TDRKH: variants seen among roughly 807,000 people sequenced by gnomAD.
TDRKH encodes tudor and KH domain containing.
A neutral mutation model predicts 61.3 loss-of-function variants in TDRKH; 28 were observed. The observed-to-expected ratio is 0.46, with a 90% CI of 0.34 to 0.63. The LOEUF is 0.63. Among genes scored for constraint, TDRKH ranks in the 20% least tolerant of loss-of-function variants. TDRKH has a pLI of 0.01. For synonymous variants in TDRKH, 219 were observed against 244.4 expected, an observed-to-expected ratio of 0.90 and a Z score of 0.97; for missense variants, 540 against 683.4, an observed-to-expected ratio of 0.79 and a Z score of 2.34.
At chr1:151,766,885 A>C, downstream of TDRKH, 1 of 1,606,964 alleles carries the variant, frequency 6.2e-7, no homozygotes, top group East Asian at 2.2e-5. Flanking sequence ...CGTTGTTATA[A>C]AAGGTACTTG....
chr1:151,775,200 C>T (rs769313684), intron 10 of TDRKH, 34 bp from the exon 11 acceptor site: 1 of 1,611,414 alleles, frequency 6.2e-7, no homozygotes, highest in Non-Finnish European at 8.5e-7. Context: ...ATGATGTTCT[C>T]TCAGTAAGCA....
chr1:151,779,396 T>C (rs1245681949), intron 4 of TDRKH, among the ~76,000 whole-genome samples, 154 bp from the exon 5 acceptor site: 2 of 152,232 alleles, frequency 1.3e-5, no homozygotes, highest in African/African-American at 4.8e-5. Context: ...CAGGAGCTAC[T>C]GAAATCATTA....
downstream of TDRKH, chr1:151,767,004 C>T (rs1286728049): frequency 2.9e-6 from 4 of 1,366,984 alleles, no homozygotes; most frequent in East Asian, 9.3e-5. Context: ...GGGTGGAAAG[C>T]TGGCATGGAA....
chr1:151,767,576 T>C, downstream of TDRKH: 1 of 460,408 alleles, frequency 2.2e-6, no homozygotes, highest in Non-Finnish European at 3.5e-6. Flanking sequence ...AAGCTGTTTA[T>C]GCCAAGATCC....
downstream of TDRKH, chr1:151,768,229 G>C (rs765418917): frequency 5.6e-6 from 9 of 1,610,392 alleles, no homozygotes; most frequent in South Asian, 9.9e-5. Context: ...AGGCAACCGG[G>C]AAAGGTGACT....
chr1:151,766,876 G>C (rs369647761), downstream of TDRKH: 1 of 1,610,608 alleles, frequency 6.2e-7, no homozygotes, highest in South Asian at 1.1e-5. Flanking sequence ...ATGCTGCCTC[G>C]TTGTTATAAA....
chr1:151,766,949 A>G (rs944764079), downstream of TDRKH: 7 of 1,462,460 alleles, frequency 4.8e-6, no homozygotes, highest in Non-Finnish European at 6.6e-6. Flanking sequence ...AAGTAAAAGA[A>G]TTTGAAAGAA....
chr1:151,781,344 T>TATATATATATATATATA (rs61409858), intron 3 of TDRKH, 137 bp downstream of exon 3: 26 of 182,706 alleles, frequency 1.4e-4, no homozygotes, highest in South Asian at 1.9e-4. Context: ...TATATATATA[T>TATATATATATATATATA]TTTATATATA....
At chr1:151,766,495 T>C (rs189856723), downstream of TDRKH, 469 of 539,078 alleles carry the variant, frequency 8.7e-4, 8 homozygotes, top group East Asian at 8.5e-3. Context: ...CTTCAAGTTC[T>C]ATTTTTTAAT....
At chr1:151,766,938 A>C (rs1179348972), downstream of TDRKH, 1 of 1,499,018 alleles carries the variant, frequency 6.7e-7, no homozygotes, top group Non-Finnish European at 9.1e-7. Flanking sequence ...ATGTAAGGAA[A>C]AAGTAAAAGA....
intron 5 of TDRKH, 28 bp from the exon 6 acceptor site, chr1:151,779,034 T>C: frequency 6.2e-7 from 1 of 1,612,426 alleles, no homozygotes; most frequent in South Asian, 1.1e-5. Context: ...AAGGATGATA[T>C]TCTGACCTGG....
At position 151,774,353 on chromosome 1, in the gene TDRKH, T is replaced by G. The variant is rs1284123980; in HGVS notation, c.*99A>C. 3 of 1,232,608 alleles carry G rather than the reference T, an allele frequency of 2.4e-6. No homozygotes were observed. The highest frequency in any genetic ancestry group is 1.2e-6 in the Non-Finnish European group (1 of 867,036). The allele number at this position is 1,232,608 out of a possible 1,614,324, so 76.4% of individuals were successfully genotyped here. ...ATGGGAAAGAGGGAATCAAAGCAAGTGCCCCACTGTCGCCCTCATTACTTT... is the reference window on the plus strand; with the variant it reads ...ATGGGAAAGAGGGAATCAAAGCAAGGGCCCCACTGTCGCCCTCATTACTTT... On this transcript the variant is annotated 3_prime_UTR_variant, in exon 13 of 13. Coordinates refer to ENST00000368824, the MANE Select transcript of TDRKH (RefSeq NM_001083965.2).
chr1:151,771,692 T>C (rs3790514), downstream of TDRKH: 56,722 of 379,614 alleles, frequency 0.15, 4,454 homozygotes, highest in African/African-American at 0.2. Flanking sequence ...ATAGGTAACA[T>C]AGAAGAGGGC....
chr1:151,780,038 T>G lies in TDRKH; in HGVS notation c.334A>C (p.Lys112Gln). The G allele has an allele frequency of 6.2e-7, 1 of 1,614,236 alleles. No individual in the cohort carries two copies. The highest frequency in any genetic ancestry group is 1.3e-5 in the African/African-American group (1 of 75,058). Reference sequence around the variant, plus strand: ...GTCAGGATCTGATGGATTGCTGCTTTGGCCTTGCACACCTGAACAGGAAAA... The same window carrying G: ...GTCAGGATCTGATGGATTGCTGCTTGGGCCTTGCACACCTGAACAGGAAAA... ...SGFPVQVCKAKAAIHQILTEN... is the reference protein window; with the variant it reads ...SGFPVQVCKAQAAIHQILTEN... Residue 112 changes from lysine (K) to glutamine (Q), a missense_variant, in exon 4 of 13, where the codon AAA (lysine) becomes CAA (glutamine). Transcript: ENST00000368824.
At chr1:151,783,377 A>G (rs901610072) in intron 1 of TDRKH, among the ~76,000 whole-genome samples, 1 of 152,206 alleles carries the variant, frequency 6.6e-6, no homozygotes, top group Non-Finnish European at 1.5e-5. Context: ...TTACTTATCT[A>G]AGTCCTTTTA....
At chr1:151,781,365 TACAC>T in intron 3 of TDRKH, 112 bp downstream of exon 3, 4 of 436,374 alleles carry the variant, frequency 9.2e-6, no homozygotes, top group Admixed American at 7.8e-5. Context: ...CACACACACA[TACAC>T]ACACACACAG....
At chr1:151,770,493 T>G, downstream of TDRKH, 1 of 472,512 alleles carries the variant, frequency 2.1e-6, no homozygotes, top group South Asian at 2.3e-5. Context: ...GGAGCACTGG[T>G]GAAATTACAC....
chr1:151,770,725 T>C (rs146291995), downstream of TDRKH, among the ~76,000 whole-genome samples: 229 of 152,344 alleles, frequency 1.5e-3, 1 homozygote, highest in African/African-American at 5.3e-3. Flanking sequence ...ATAGATACTA[T>C]TTCAGAGCTT....
chr1:151,770,438 G>A, downstream of TDRKH: 1 of 838,642 alleles, frequency 1.2e-6, no homozygotes, highest in Non-Finnish European at 1.7e-6. Flanking sequence ...GTTACAACTG[G>A]ACTCTGAGGA....
Sources: allele counts gnomAD v4.1 joint callset (sites outside exome capture counted in the v4.1 genomes callset), GRCh38; gene constraint gnomAD v4.1.1; transcripts MANE v1.5; gene names NCBI Gene and HGNC (gene_info 2026-07-23, HGNC 2026-07-21).